MAGI1: variants seen among roughly 807,000 people sequenced by gnomAD.
The protein encoded by MAGI1 is membrane associated guanylate kinase, WW and PDZ domain containing 1.
In MAGI1, 58 loss-of-function variants were observed where a neutral mutation model predicts 139.9. The ratio of observed to expected loss-of-function variants is 0.41; its 90% CI spans 0.34 to 0.52. The LOEUF is 0.52. Ranked by LOEUF, MAGI1 falls within the 20% of genes least tolerant of loss-of-function variation. The pLI, the probability that MAGI1 is intolerant of heterozygous loss-of-function variation, is 0.12. For missense variants in MAGI1, 1,874 were observed against 1,901.6 expected (o/e 0.99, Z 0.27); for synonymous variants, 812 against 737.9 (o/e 1.10, Z -1.63).
intron 5 of MAGI1, among the ~76,000 whole-genome samples, chr3:65,457,506 A>G (rs1949479320): frequency 6.6e-6 from 1 of 152,138 alleles, no homozygotes; most frequent in Non-Finnish European, 1.5e-5. Flanking sequence ...TTTCATTAGC[A>G]TTTTATAGTT....
At chr3:65,688,600 T>C in intron 1 of MAGI1, 1 of 291,906 alleles carries the variant, frequency 3.4e-6, no homozygotes, top group Non-Finnish European at 6.8e-6. Context: ...GGAAGGGAAA[T>C]AAACTCTACA....
chr3:65,760,959 T>C (rs1206120681), intron 1 of MAGI1, among the ~76,000 whole-genome samples: 1 of 152,186 alleles, frequency 6.6e-6, no homozygotes, highest in Non-Finnish European at 1.5e-5. Flanking sequence ...AAAGAGTCTT[T>C]GCATGCAATG....
At chr3:65,478,881 G>A (rs1226685014) in intron 3 of MAGI1, 83 bp from the exon 4 acceptor site, 2 of 1,045,510 alleles carry the variant, frequency 1.9e-6, no homozygotes, top group Admixed American at 2.0e-5. Flanking sequence ...AAATCTCTAG[G>A]CACATTAAAA....
intron 1 of MAGI1, chr3:65,874,373 T>C (rs1420962353): frequency 1.3e-5 from 2 of 152,178 alleles, no homozygotes; most frequent in African/African-American, 4.8e-5. Flanking sequence ...AAATCACACA[T>C]CTGATAAAGG....
chr3:65,522,041 A>T (rs2078188610), intron 2 of MAGI1, among the ~76,000 whole-genome samples: 1 of 152,160 alleles, frequency 6.6e-6, no homozygotes, highest in South Asian at 2.1e-4. Flanking sequence ...AGAGGAAAAA[A>T]ATCCAAACGG....
chr3:65,875,431 A>T (rs2060078927), intron 1 of MAGI1, among the ~76,000 whole-genome samples: 1 of 152,250 alleles, frequency 6.6e-6, no homozygotes, highest in South Asian at 2.1e-4. Flanking sequence ...AAAAGAAAGG[A>T]ATCAGGAAAA....
intron 2 of MAGI1, among the ~76,000 whole-genome samples, chr3:65,523,380 A>G (rs2078245691): frequency 6.6e-6 from 1 of 151,938 alleles, no homozygotes; most frequent in Non-Finnish European, 1.5e-5. Context: ...CAACCTTAAT[A>G]ATATAAGCAA....
chr3:65,764,343 A>C (rs1163732786), intron 1 of MAGI1, among the ~76,000 whole-genome samples: 1 of 152,142 alleles, frequency 6.6e-6, no homozygotes, highest in African/African-American at 2.4e-5. Context: ...TTCATTCTCT[A>C]TGCTTCTCCC....
chr3:65,412,259 C>T (rs1945852994), intron 12 of MAGI1, among the ~76,000 whole-genome samples: 1 of 152,184 alleles, frequency 6.6e-6, no homozygotes, highest in Admixed American at 6.5e-5. Flanking sequence ...GCCTGGAACT[C>T]TATGCCTGCA....
chr3:66,032,233 G>A (rs1214038283), intron 1 of MAGI1, among the ~76,000 whole-genome samples: 1 of 151,464 alleles, frequency 6.6e-6, no homozygotes, highest in Admixed American at 6.6e-5. Flanking sequence ...TTTTTTTTGA[G>A]ATGAGTCTCA....
intron 1 of MAGI1, among the ~76,000 whole-genome samples, chr3:65,733,930 C>A (rs2034446412): frequency 1.3e-5 from 2 of 152,150 alleles, no homozygotes; most frequent in Admixed American, 6.5e-5. Flanking sequence ...TGCAGGTTTG[C>A]TGTTTAACAC....
intron 1 of MAGI1, among the ~76,000 whole-genome samples, chr3:66,032,928 A>AC (rs1559513285): frequency 2.1e-5 from 3 of 144,106 alleles, no homozygotes; most frequent in African/African-American, 2.6e-5. Flanking sequence ...AAAAAAAAAA[A>AC]AAAAAACAAC....
chr3:65,463,969 G>A (rs1392374194), intron 5 of MAGI1, among the ~76,000 whole-genome samples: 1 of 152,136 alleles, frequency 6.6e-6, no homozygotes, highest in African/African-American at 2.4e-5. Context: ...GATCAGTGGT[G>A]ATATCCCCTT....
At chr3:65,542,516 T>C (rs909176814) in intron 2 of MAGI1, among the ~76,000 whole-genome samples, 2 of 152,298 alleles carry the variant, frequency 1.3e-5, no homozygotes, top group East Asian at 3.9e-4. Context: ...ACTACAAGGC[T>C]ATAGTAACCA....
At chr3:65,686,815 C>A (rs1434629748) in intron 1 of MAGI1, among the ~76,000 whole-genome samples, 1 of 152,188 alleles carries the variant, frequency 6.6e-6, no homozygotes, top group African/African-American at 2.4e-5. Context: ...AGTTTTAATA[C>A]ACATCACACA....
intron 1 of MAGI1, among the ~76,000 whole-genome samples, chr3:65,947,236 C>T (rs1050486111): frequency 6.6e-6 from 1 of 152,044 alleles, no homozygotes; most frequent in Non-Finnish European, 1.5e-5. Flanking sequence ...TTCCTAAAAG[C>T]AGACTAACAA....
At chr3:65,916,951 G>C (rs1363407559) in intron 1 of MAGI1, among the ~76,000 whole-genome samples, 2 of 152,048 alleles carry the variant, frequency 1.3e-5, no homozygotes, top group African/African-American at 2.4e-5. Flanking sequence ...TATATTAATG[G>C]TCCAAAAAAG....
chr3:65,695,865 T>C (rs576276487), intron 1 of MAGI1, among the ~76,000 whole-genome samples: 1 of 152,320 alleles, frequency 6.6e-6, no homozygotes, highest in East Asian at 1.9e-4. Flanking sequence ...GCCATGAGTG[T>C]AGCCACCAAT....
chr3:65,407,242 T>A (rs973729282), intron 12 of MAGI1, among the ~76,000 whole-genome samples: 1 of 151,688 alleles, frequency 6.6e-6, no homozygotes, highest in Non-Finnish European at 1.5e-5. Flanking sequence ...AGGTCAAGAG[T>A]TTGAGACCAG....
Sources: gnomAD v4.1 joint callset for allele counts (sites outside exome capture counted in the v4.1 genomes callset) on GRCh38, gnomAD v4.1.1 for gene constraint, MANE v1.5 for transcripts, NCBI Gene and HGNC (gene_info 2026-07-23, HGNC 2026-07-21) for gene names.